Variants in ARHGEF18 observed in about 807,000 individuals in gnomAD.
ARHGEF18 encodes the protein rho guanine nucleotide exchange factor 18.
Under a neutral mutation model 155.7 loss-of-function variants are expected in ARHGEF18, and 93 were observed. The observed-to-expected ratio is 0.60, with a 90% CI of 0.50 to 0.71. The LOEUF (loss-of-function observed/expected upper bound fraction) is 0.71, where lower values mean the gene tolerates loss of function less well. Ranked by LOEUF, ARHGEF18 falls within the 30% of genes least tolerant of loss-of-function variation. The pLI, the probability that ARHGEF18 is intolerant of heterozygous loss-of-function variation, is 0.00. For synonymous variants in ARHGEF18, 742 were observed against 753.1 expected (o/e 0.99, Z 0.24); for missense variants, 1,593 against 1,816.1 (o/e 0.88, Z 2.23).
At position 7,469,064 on chromosome 19, in the gene ARHGEF18, G is replaced by A. The variant is rs771073312; in HGVS notation, c.3720G>A (p.Ala1240=). The change falls in exon 27 of 29, where the codon GCG becomes GCA. Residue 1240 remains alanine (A), a synonymous_variant. Coordinates refer to ENST00000668164, the MANE Select transcript of ARHGEF18 (RefSeq NM_001367823.1). ...AVQQQIPTKL[A]ASTKGGKDKG... is the part of the protein sequence containing the mutation. Reference sequence around the variant, plus strand: ...AGCAGCAGATCCCCACCAAGCTGGCGGCCTCCACCAAGGGTGGCAAGGACA... The same window carrying A: ...AGCAGCAGATCCCCACCAAGCTGGCAGCCTCCACCAAGGGTGGCAAGGACA... 3.7e-6 allele frequency: 6 copies of A among 1,608,640 alleles called. No homozygotes were observed. The highest frequency in any genetic ancestry group is 1.3e-5 in the African/African-American group (1 of 74,994).
intron 10 of ARHGEF18, among the ~76,000 whole-genome samples, chr19:7,392,435 C>G (rs1010664569): frequency 6.6e-6 from 1 of 151,644 alleles, no homozygotes; most frequent in African/African-American, 2.4e-5. Context: ...CCCAGTGGCT[C>G]ACGCCTGTAA....
At chr19:7,466,837 AAG>A in intron 23 of ARHGEF18, 79 bp from the exon 24 acceptor site, 26 of 1,124,184 alleles carry the variant, frequency 2.3e-5, no homozygotes, top group East Asian at 5.0e-5. Context: ...GTTAAAAAAA[AAG>A]AAGAAGAAGA....
At chr19:7,381,078 AT>A in intron 8 of ARHGEF18, 84 bp downstream of exon 8, 7 of 1,073,030 alleles carry the variant, frequency 6.5e-6, no homozygotes, top group Middle Eastern at 3.5e-4. Flanking sequence ...CAGACCCCCC[AT>A]GCTGGGGGCA....
chr19:7,426,859 A>G (rs7248093), intron 10 of ARHGEF18, among the ~76,000 whole-genome samples: 81,239 of 152,048 alleles, frequency 0.53, 22,071 homozygotes, highest in Middle Eastern at 0.74. Flanking sequence ...TGGAGAATGC[A>G]GTTTCTCACT....
At chr19:7,416,247 T>A (rs963539617) in intron 10 of ARHGEF18, among the ~76,000 whole-genome samples, 13 of 150,818 alleles carry the variant, frequency 8.6e-5, no homozygotes, top group South Asian at 2.1e-4. Flanking sequence ...AAAAAAAAAA[T>A]TTTTTTTAAT....
intron 14 of ARHGEF18, among the ~76,000 whole-genome samples, chr19:7,446,066 C>T (rs956688502): frequency 4.6e-5 from 7 of 152,128 alleles, no homozygotes; most frequent in Non-Finnish European, 7.3e-5. Context: ...ATTAGACACC[C>T]CAAACTGAAG....
At chr19:7,414,176 C>T (rs1972857747) in intron 10 of ARHGEF18, among the ~76,000 whole-genome samples, 1 of 152,130 alleles carries the variant, frequency 6.6e-6, no homozygotes, top group African/African-American at 2.4e-5. Context: ...CAGGAGCACC[C>T]CTCTTCCCCC....
intron 11 of ARHGEF18, 106 bp from the exon 12 acceptor site, chr19:7,441,547 C>CA: frequency 1.2e-6 from 1 of 818,322 alleles, no homozygotes; most frequent in Non-Finnish European, 2.0e-6. Context: ...GGAGAGTTCT[C>CA]AGAGAGTATC....
In ARHGEF18 at chr19:7,375,967, C is replaced by T. The variant is rs566594649; in HGVS notation, c.426+97C>T. 463 of 1,199,758 alleles carry T rather than the reference C, an allele frequency of 3.9e-4. 1 individual carries two copies. The highest frequency in any genetic ancestry group is 5.1e-4 in the Admixed American group (12 of 23,634). 74.3% of individuals were successfully genotyped at this position (1,199,758 alleles called of 1,614,324 possible). A position where few individuals can be genotyped will look rare whatever the true frequency, so the allele number is the denominator to read the frequency against. ...AGGAGAGACTTGCCAGGGCTGGTGG[C>T]GCTTACCCACCATGGCAGGGTGGAG... On this transcript the variant is annotated intron_variant, in intron 4 of 28. Transcript: ENST00000668164.
intron 10 of ARHGEF18, among the ~76,000 whole-genome samples, chr19:7,429,696 G>T (rs1008658410): frequency 2.0e-5 from 3 of 152,102 alleles, no homozygotes; most frequent in Non-Finnish European, 2.9e-5. Context: ...TCCCACAGAC[G>T]CCCCCCAAGC....
intron 14 of ARHGEF18, among the ~76,000 whole-genome samples, chr19:7,445,161 T>C (rs1555722836): frequency 6.6e-6 from 1 of 152,218 alleles, no homozygotes; most frequent in Non-Finnish European, 1.5e-5. Flanking sequence ...AAAGCTTACC[T>C]GTTGACTGAG....
intron 10 of ARHGEF18, among the ~76,000 whole-genome samples, chr19:7,424,724 G>A (rs1195353167): frequency 1.3e-5 from 2 of 152,196 alleles, no homozygotes; most frequent in East Asian, 3.9e-4. Context: ...GACTGGGCGC[G>A]GTGGCTCACG....
At chr19:7,468,286 G>A (rs34424719) in intron 26 of ARHGEF18, among the ~76,000 whole-genome samples, 26,266 of 148,866 alleles carry the variant, frequency 0.18, 2,769 homozygotes, top group Non-Finnish European at 0.22. Flanking sequence ...GTGCCATGGT[G>A]TGCACCCTAG....
chr19:7,469,138 C>A lies in ARHGEF18; in HGVS notation c.3787+7C>A. On this transcript the variant is annotated splice_region_variant and intron_variant, in intron 27 of 28. Transcript: ENST00000668164. The stretch of plus-strand genomic sequence containing the variant: ...CAGCGCTGGGAGAGCTCAGGTGAGC[C>A]GGCCCCACCCCTTCGCCTGGGCCTG... The A allele has an allele frequency of 6.3e-7, 1 of 1,582,020 alleles. No individual in the cohort carries two copies. The highest frequency in any genetic ancestry group is 8.6e-7 in the Non-Finnish European group (1 of 1,164,000).
At chr19:7,469,816 G>A (rs549318950) in intron 27 of ARHGEF18, 88 bp from the exon 28 acceptor site, 22 of 1,513,822 alleles carry the variant, frequency 1.5e-5, no homozygotes, top group Admixed American at 6.0e-5. Context: ...GGTGGGGGTG[G>A]CCAGGCCCCT....
At chr19:7,388,629 G>A (rs1971212466) in intron 10 of ARHGEF18, among the ~76,000 whole-genome samples, 1 of 151,926 alleles carries the variant, frequency 6.6e-6, no homozygotes, top group African/African-American at 2.4e-5. Flanking sequence ...ACCCAGGCTG[G>A]AGAGCAGTTG....
At chr19:7,436,364 C>T (rs1226724906) in intron 10 of ARHGEF18, among the ~76,000 whole-genome samples, 1 of 151,958 alleles carries the variant, frequency 6.6e-6, no homozygotes, top group African/African-American at 2.4e-5. Flanking sequence ...ACAACCTCTG[C>T]CTCCCAGGCT....
In ARHGEF18 at chr19:7,414,093, ATTC is replaced by A. The variant is rs1168056806; in HGVS notation, c.968-26248_968-26246del. Among the ~76,000 whole-genome samples, 5 of 152,210 alleles carry A rather than the reference ATTC, an allele frequency of 3.3e-5. No homozygotes were observed. In the South Asian group the frequency reaches 6.2e-4, roughly 19 times the overall value. ...TACTGTAGGCATTTGGGGCCGGATC[ATTC>A]TTTGGGATGGGACCTACCTGGGCAC... On this transcript the variant is annotated intron_variant, in intron 10 of 28. Transcript: ENST00000668164.
At chr19:7,439,906 T>C in intron 10 of ARHGEF18, 1 of 1,462,032 alleles carries the variant, frequency 6.8e-7, no homozygotes, top group Non-Finnish European at 9.0e-7. Context: ...TGTTTTATTC[T>C]ATCAAAGCAG....
Sources: gnomAD v4.1 joint callset for allele counts (sites outside exome capture counted in the v4.1 genomes callset) on GRCh38, gnomAD v4.1.1 for gene constraint, MANE v1.5 for transcripts, NCBI Gene and HGNC (gene_info 2026-07-23, HGNC 2026-07-21) for gene names.